Variants in CCDC9 observed in about 807,000 individuals in gnomAD.
CCDC9 encodes coiled-coil domain-containing protein 9.
Under a neutral mutation model 65.6 loss-of-function variants are expected in CCDC9, and 52 were observed. The observed-to-expected ratio is 0.79, with a 90% CI of 0.63 to 1.00. The LOEUF (loss-of-function observed/expected upper bound fraction) is 1.00, where lower values mean the gene tolerates loss of function less well. Among genes scored for constraint, CCDC9 ranks in the 50% least tolerant of loss-of-function variants. The pLI is 0.00. For missense variants in CCDC9, 834 were observed against 757.2 expected (o/e 1.10, Z -1.19); for synonymous variants, 332 against 280.3 (o/e 1.18, Z -1.84).
chr19:47,273,905 A>AGGCGGAAGG (rs1270727007), downstream of CCDC9: 2 of 911,042 alleles, frequency 2.2e-6, no homozygotes, highest in African/African-American at 3.6e-5. Flanking sequence ...GTGGCGGAAG[A>AGGCGGAAGG]GGCGGAAGGA....
At chr19:47,275,033 C>G (rs1241389182), downstream of CCDC9, 5 of 1,489,712 alleles carry the variant, frequency 3.4e-6, no homozygotes, top group African/African-American at 4.4e-5. Context: ...CCTACTTCCT[C>G]TGCGTCTCGC....
At chr19:47,267,971 C>A (rs552980308) in intron 8 of CCDC9, among the ~76,000 whole-genome samples, 1 of 152,126 alleles carries the variant, frequency 6.6e-6, no homozygotes, top group Non-Finnish European at 1.5e-5. Context: ...CCTCAGCCTC[C>A]TGAGTAGCTG....
intron 5 of CCDC9, among the ~76,000 whole-genome samples, chr19:47,264,397 G>A (rs908934777): frequency 5.3e-5 from 8 of 152,202 alleles, no homozygotes; most frequent in Admixed American, 1.3e-4. Flanking sequence ...CGAATGCAGC[G>A]TACAGCGTGT....
At chr19:47,262,220 T>G (rs1364767569) in intron 5 of CCDC9, among the ~76,000 whole-genome samples, 1 of 148,930 alleles carries the variant, frequency 6.7e-6, no homozygotes, top group Non-Finnish European at 1.5e-5. Flanking sequence ...CTTTTTTTTT[T>G]TTTTTTTTTT....
rs141914148 is a variant in CCDC9 at position 47,271,501 on chromosome 19, G to T, written c.1419G>T (p.Pro473=). The T allele has an allele frequency of 1.9e-6, 3 of 1,612,896 alleles. No homozygotes were observed. In the South Asian group the frequency reaches 3.3e-5, roughly 18 times the overall value. Residue 473 remains proline, a synonymous_variant, in exon 12 of 12, where the codon CCG becomes CCT. Transcript: ENST00000221922. The part of the protein sequence containing the change: ...SEQAHGVPFS[P]EEPLLEPQAP... ...AGGCCCACGGAGTCCCCTTCAGTCC[G>T]GAGGAGCCCCTGCTGGAGCCCCAGG...
intron 5 of CCDC9, among the ~76,000 whole-genome samples, chr19:47,263,737 T>TTTC: frequency 6.6e-6 from 1 of 150,824 alleles, no homozygotes; most frequent in Admixed American, 6.6e-5. Flanking sequence ...GGCTAACTTT[T>TTTC]GTATTTTTAG....
chr19:47,273,636 G>A (rs552980216), downstream of CCDC9: 8 of 393,834 alleles, frequency 2.0e-5, no homozygotes, highest in South Asian at 1.0e-3. Context: ...CCCCACCAAC[G>A]GGGGACGTCA....
At chr19:47,270,259 A>G (rs2059106717) in intron 8 of CCDC9, 148 bp from the exon 9 acceptor site, 6 of 746,160 alleles carry the variant, frequency 8.0e-6, no homozygotes, top group East Asian at 2.7e-5. Context: ...TTGAGCCACC[A>G]TGCCCGGCCC....
At chr19:47,270,171 G>A (rs1220158854) in intron 8 of CCDC9, among the ~76,000 whole-genome samples, 2 of 151,966 alleles carry the variant, frequency 1.3e-5, no homozygotes, top group Non-Finnish European at 2.9e-5. Context: ...GCTTCACCAT[G>A]TTCACCACGC....
downstream of CCDC9, chr19:47,274,866 T>C: frequency 1.2e-6 from 1 of 857,614 alleles, no homozygotes; most frequent in Non-Finnish European, 1.3e-6. Context: ...GGGCGGGGCC[T>C]GGTGGGGGCG....
At position 47,266,720 on chromosome 19, in the gene CCDC9, A is replaced by T. The variant is rs1257024248; in HGVS notation, c.830A>T (p.Glu277Val). 1 of 1,611,790 alleles carries T rather than the reference A, an allele frequency of 6.2e-7. No homozygotes were observed. The highest frequency in any genetic ancestry group is 8.5e-7 in the Non-Finnish European group (1 of 1,179,116). ...WKQEREKIDQ[E>V]RLQRHRKPTG... ...CAGGAGAGGGAGAAGATCGACCAGGAGCGGCTGCAGAGGCACCGCAAGCCC... is the reference window on the plus strand; with the variant it reads ...CAGGAGAGGGAGAAGATCGACCAGGTGCGGCTGCAGAGGCACCGCAAGCCC... The change falls in exon 8 of 12, where the codon GAG (glutamate) becomes GTG (valine). Residue 277 changes from glutamate (E) to valine (V), a missense_variant. Coordinates refer to ENST00000221922, the MANE Select transcript of CCDC9 (RefSeq NM_015603.3).
chr19:47,270,235 C>T (rs543271244), intron 8 of CCDC9, among the ~76,000 whole-genome samples, 172 bp from the exon 9 acceptor site: 1 of 151,930 alleles, frequency 6.6e-6, no homozygotes, highest in Non-Finnish European at 1.5e-5. Flanking sequence ...TCCCAGAGTG[C>T]GGGGATTACA....
chr19:47,272,058 C>T (rs1262541482), downstream of CCDC9: 1 of 1,236,632 alleles, frequency 8.1e-7, no homozygotes, highest in East Asian at 3.1e-5. Flanking sequence ...ACTGGGGCTC[C>T]CCTTCCCTAG....
chr19:47,256,549 A>C lies in CCDC9; in HGVS notation c.-132A>C, dbSNP rs1306617379. On this transcript the variant is annotated 5_prime_UTR_variant, in exon 1 of 12. Transcript: ENST00000221922. ...CAGGAAGTGACGCGCCTGGCCCGGG[A>C]GCTGCGGTCGCAGAGGCCGACGGAG... is the stretch of plus-strand genomic sequence containing the variant. 6.6e-6 allele frequency: 1 copy of C among 152,254 alleles called. No individual in the cohort carries two copies. The highest frequency in any genetic ancestry group is 2.4e-5 in the African/African-American group (1 of 41,378). The allele number at this position is 152,254 out of a possible 1,614,324, so 9.4% of individuals were successfully genotyped here.
chr19:47,262,573 C>T (rs1345292874), intron 5 of CCDC9, among the ~76,000 whole-genome samples: 1 of 152,092 alleles, frequency 6.6e-6, no homozygotes, highest in Non-Finnish European at 1.5e-5. Flanking sequence ...TCTGTGGTAA[C>T]AGCTGGGTTG....
chr19:47,261,928 G>A (rs2059048574), intron 5 of CCDC9, among the ~76,000 whole-genome samples: 1 of 151,596 alleles, frequency 6.6e-6, no homozygotes, highest in Non-Finnish European at 1.5e-5. Flanking sequence ...GGCTGAGGCA[G>A]AAGAATTGCT....
chr19:47,259,534 G>A (rs1335420306), intron 3 of CCDC9, among the ~76,000 whole-genome samples: 1 of 152,174 alleles, frequency 6.6e-6, no homozygotes, highest in African/African-American at 2.4e-5. Flanking sequence ...TTCAGGGCAG[G>A]GGGAGGAAGA....
At chr19:47,274,885 G>T (rs1365790619), downstream of CCDC9, 58 of 1,247,264 alleles carry the variant, frequency 4.7e-5, no homozygotes, top group Middle Eastern at 9.4e-4. Context: ...CGGGGCCTGT[G>T]CGGTCTGCGG....
chr19:47,268,616 T>C (rs544687190), intron 8 of CCDC9, among the ~76,000 whole-genome samples: 11 of 152,194 alleles, frequency 7.2e-5, no homozygotes, highest in South Asian at 4.2e-4. Flanking sequence ...GCAACAAGTC[T>C]GATGAATAAT....
Sources: gnomAD v4.1 joint callset for allele counts (sites outside exome capture counted in the v4.1 genomes callset) on GRCh38, gnomAD v4.1.1 for gene constraint, MANE v1.5 for transcripts, NCBI Gene and HGNC (gene_info 2026-07-23, HGNC 2026-07-21) for gene names.